Variants in GOLT1B observed in about 807,000 individuals in gnomAD.
The protein encoded by GOLT1B is golgi transport 1B, also known as vesicle transport protein GOT1B.
A neutral mutation model predicts 15.4 loss-of-function variants in GOLT1B; 3 were observed. The observed-to-expected ratio is 0.19, with a 90% CI of 0.09 to 0.50. The LOEUF is 0.50. Among genes scored for constraint, GOLT1B ranks in the 20% least tolerant of loss-of-function variants. The pLI is 0.97. For missense variants in GOLT1B, 145 were observed against 160.4 expected (o/e 0.90, Z 0.52); for synonymous variants, 65 against 56.2 (o/e 1.16, Z -0.70).
intron 2 of GOLT1B, among the ~76,000 whole-genome samples, chr12:21,507,529 T>TGTGC (rs1943688033): frequency 6.9e-6 from 1 of 144,618 alleles, no homozygotes; most frequent in African/African-American, 2.7e-5. Flanking sequence ...TGTGTGTGTG[T>TGTGC]ATATATATAT....
At position 21,508,409 on chromosome 12, in the gene GOLT1B, T is replaced by C; in HGVS notation, c.144T>C (p.Phe48=). 1 of 1,579,536 alleles carries C rather than the reference T, an allele frequency of 6.3e-7. No homozygotes were observed. The highest frequency in any genetic ancestry group is 8.6e-7 in the Non-Finnish European group (1 of 1,164,218). ...TTTTATTTGTAGCCGGCTTGGCTTT[T>C]GTAATTGGTTTAGAAAGAACATTCA... ...GNVLFVAGLA[F]VIGLERTFRF... Residue 48 remains phenylalanine, a synonymous_variant, in exon 3 of 5, where the codon TTT becomes TTC. Transcript: ENST00000229314.
intron 1 of GOLT1B, among the ~76,000 whole-genome samples, chr12:21,503,570 A>G (rs12296209): frequency 0.02 from 3,088 of 152,334 alleles, 111 homozygotes; most frequent in African/African-American, 0.069. Context: ...CCTGAGAAGC[A>G]TTCTCCTCAC....
intron 4 of GOLT1B, chr12:21,515,262 A>T (rs1158778516): frequency 6.9e-7 from 1 of 1,451,644 alleles, no homozygotes; most frequent in Non-Finnish European, 9.3e-7. Context: ...GAAGAGATCC[A>T]CAGTAATGGT....
intron 4 of GOLT1B, chr12:21,515,270 G>C (rs1421173301): frequency 7.0e-7 from 1 of 1,432,306 alleles, no homozygotes; most frequent in Admixed American, 2.0e-5. Context: ...CCACAGTAAT[G>C]GTCAGTTGAA....
intron 3 of GOLT1B, among the ~76,000 whole-genome samples, chr12:21,509,683 C>T (rs913403131): frequency 2.0e-5 from 3 of 151,964 alleles, no homozygotes; most frequent in Admixed American, 6.6e-5. Flanking sequence ...TTAGTAAATT[C>T]AAGGAGAGGT....
intron 2 of GOLT1B, 38 bp downstream of exon 2, chr12:21,507,014 G>T: frequency 1.2e-6 from 1 of 826,182 alleles, no homozygotes; most frequent in South Asian, 1.5e-5. Context: ...AAATTTATAA[G>T]GAAATTTTAA....
At chr12:21,503,717 G>T (rs910384256) in intron 1 of GOLT1B, among the ~76,000 whole-genome samples, 29 of 152,242 alleles carry the variant, frequency 1.9e-4, no homozygotes, top group African/African-American at 6.5e-4. Context: ...GTGTTTGTGT[G>T]TGAGTGTGTT....
chr12:21,501,909 C>T lies in GOLT1B; in HGVS notation c.-15C>T. ...TTTCCGAGGTGCTGTCGCCGCTGTC[C>T]CCACCACTGCAGCCATGATCTCCTT... On this transcript the variant is annotated 5_prime_UTR_variant, in exon 1 of 5. Coordinates refer to ENST00000229314, the MANE Select transcript of GOLT1B (RefSeq NM_016072.5). 2 of 1,599,310 alleles carry T rather than the reference C, an allele frequency of 1.3e-6. No homozygotes were observed. The highest frequency in any genetic ancestry group is 8.6e-7 in the Non-Finnish European group (1 of 1,166,622).
At chr12:21,510,497 A>G (rs1386755947) in intron 3 of GOLT1B, among the ~76,000 whole-genome samples, 1 of 152,170 alleles carries the variant, frequency 6.6e-6, no homozygotes, top group African/African-American at 2.4e-5. Flanking sequence ...CGTGGTTTAG[A>G]GAGCTTTGTG....
rs75366450 is a variant in GOLT1B, at chr12:21,515,112, A to G, written c.379-557A>G. On this transcript the variant is annotated intron_variant, in intron 4 of 4. Coordinates refer to ENST00000229314, the MANE Select transcript of GOLT1B (RefSeq NM_016072.5). ...ATAATTATAAATTTATGCTTACATC[A>G]TTAAATCTATCTTTAATGTCATTAC... 6 of 525,110 alleles carry G rather than the reference A, an allele frequency of 1.1e-5. No homozygotes were observed. The East Asian group carries it at 1.9e-4, about 16-fold the overall frequency. The allele number at this position is 525,110 out of a possible 1,614,324, so 32.5% of individuals were successfully genotyped here. A position where few individuals can be genotyped will look rare whatever the true frequency, so the allele number is the denominator to read the frequency against.
In GOLT1B at chr12:21,517,069, T is replaced by C. The variant is rs2136813157; in HGVS notation, c.*1362T>C. ...TTTACCACTGATTGCACTGTTTTGTTTTTTTAACAGTTGCAAAGCTTTTTA... is the reference window on the plus strand; with the variant it reads ...TTTACCACTGATTGCACTGTTTTGTCTTTTTAACAGTTGCAAAGCTTTTTA... On this transcript the variant is annotated 3_prime_UTR_variant, in exon 5 of 5. Coordinates refer to ENST00000229314, the MANE Select transcript of GOLT1B (RefSeq NM_016072.5). The C allele has an allele frequency of 6.6e-6, 1 of 152,642 alleles. No individual in the cohort carries two copies. The highest frequency in any genetic ancestry group is 6.5e-5 in the Admixed American group (1 of 15,296). 9.5% of individuals were successfully genotyped at this position (152,642 alleles called of 1,614,324 possible).
In GOLT1B at chr12:21,512,325, TAGA is replaced by T; in HGVS notation, c.331_333del (p.Arg111del). 1 of 1,582,078 alleles carries T rather than the reference TAGA, an allele frequency of 6.3e-7. No individual in the cohort carries two copies. Among genetic ancestry groups the T allele is most frequent in the Non-Finnish European group, 8.7e-7 (1 of 1,151,216 alleles). ...TCTTTCCTGTCGTTGTTGGCTTTAT[TAGA>T]AGAGTGCCAGTCCTTGGATCCCTCC... On this transcript the variant is annotated inframe_deletion, in exon 4 of 5. Transcript: ENST00000229314.
In GOLT1B at chr12:21,509,132, C is replaced by T. The variant is rs145404602; in HGVS notation, c.296+571C>T. On this transcript the variant is annotated intron_variant, in intron 3 of 4. Transcript: ENST00000229314. ...AAATACCTTTGGCCAGGTGCGGTGG[C>T]TCACACCTGTAATCCCAGCACTTTG... Among the ~76,000 whole-genome samples, 337 of 152,124 alleles carry T rather than the reference C, an allele frequency of 2.2e-3. 9 individuals carry two copies. In the East Asian group the frequency reaches 0.048, roughly 22 times the overall value.
chr12:21,502,965 G>A (rs985844763), intron 1 of GOLT1B, among the ~76,000 whole-genome samples: 25 of 152,244 alleles, frequency 1.6e-4, no homozygotes, highest in African/African-American at 5.5e-4. Flanking sequence ...TCTTCTTGTG[G>A]AGATTCAAGT....
intron 1 of GOLT1B, among the ~76,000 whole-genome samples, chr12:21,506,273 T>A (rs901881458): frequency 3.5e-4 from 53 of 152,096 alleles, no homozygotes; most frequent in African/African-American, 1.2e-3. Context: ...TAATAAGTAA[T>A]CAAGAAATTA....
intron 4 of GOLT1B, chr12:21,515,240 T>G: frequency 6.9e-7 from 1 of 1,457,104 alleles, no homozygotes; most frequent in East Asian, 2.5e-5. Flanking sequence ...GTCCAAAGAC[T>G]ACATAGGCCC....
chr12:21,509,396 C>CAAAAAAAAAAAAAAAAAAAAAAAAAA (rs71053318), intron 3 of GOLT1B, among the ~76,000 whole-genome samples: 1 of 74,040 alleles, frequency 1.4e-5, no homozygotes, highest in Non-Finnish European at 2.3e-5. Flanking sequence ...GACTCTGTCT[C>CAAAAAAAAAAAAAAAAAAAAAAAAAA]AAAAAAAAAA....
intron 4 of GOLT1B, among the ~76,000 whole-genome samples, chr12:21,513,488 C>T (rs1384372301): frequency 6.6e-6 from 1 of 151,826 alleles, no homozygotes; most frequent in African/African-American, 2.4e-5. Flanking sequence ...ATAGCATTTA[C>T]CTCTGTTTTT....
rs1435352971 is a variant in GOLT1B, at chr12:21,518,098, A to C, written c.*2391A>C. The C allele has an allele frequency of 6.6e-6, 1 of 152,548 alleles. No individual in the cohort carries two copies. Among genetic ancestry groups the C allele is most frequent in the Non-Finnish European group, 1.5e-5 (1 of 67,988 alleles). The allele number at this position is 152,548 out of a possible 1,614,324, so 9.4% of individuals were successfully genotyped here. A position where few individuals can be genotyped will look rare whatever the true frequency, so the allele number is the denominator to read the frequency against. ...GTCCCACTGTCAGATTATATTATCTAACAATTGAATATTGTAAATATACTT... is the reference window on the plus strand; with the variant it reads ...GTCCCACTGTCAGATTATATTATCTCACAATTGAATATTGTAAATATACTT... On this transcript the variant is annotated 3_prime_UTR_variant, in exon 5 of 5. Coordinates refer to ENST00000229314, the MANE Select transcript of GOLT1B (RefSeq NM_016072.5).
Sources: gnomAD v4.1 joint callset for allele counts (sites outside exome capture counted in the v4.1 genomes callset) on GRCh38, gnomAD v4.1.1 for gene constraint, MANE v1.5 for transcripts, NCBI Gene and HGNC (gene_info 2026-07-23, HGNC 2026-07-21) for gene names.